The following TUSC3 variants were observed in gnomAD, a reference collection of about 807,000 sequenced individuals.
TUSC3 encodes the protein dolichyl-diphosphooligosaccharide--protein glycosyltransferase subunit TUSC3.
A neutral mutation model predicts 44.8 loss-of-function variants in TUSC3; 45 were observed. The observed-to-expected ratio is 1.00, with a 90% CI of 0.79 to 1.29. The LOEUF (loss-of-function observed/expected upper bound fraction) is 1.29, where lower values mean the gene tolerates loss of function less well. Ranked by LOEUF, TUSC3 falls within the 50% of genes most tolerant of loss-of-function variation. The probability of loss-of-function intolerance (pLI) is 0.00; values close to 1 mark genes in which losing one functional copy is unlikely to be tolerated. For synonymous variants in TUSC3, 212 were observed against 152.9 expected (o/e 1.39, Z -2.85); for missense variants, 519 against 437.9 (o/e 1.19, Z -1.65).
chr8:15,780,414 AAG>A, the TUSC3 span, among the ~76,000 whole-genome samples: 1 of 152,188 alleles, frequency 6.6e-6, no homozygotes, highest in Non-Finnish European at 1.5e-5. Flanking sequence ...ACTTGGAACA[AAG>A]GGGACTAGGC....
At chr8:15,441,972 G>A (rs1432920036) in intron 1 of TUSC3, among the ~76,000 whole-genome samples, 3 of 152,100 alleles carry the variant, frequency 2.0e-5, no homozygotes, top group Non-Finnish European at 4.4e-5. Flanking sequence ...CCCCAAAATA[G>A]CTATTTGTTT....
At chr8:15,790,179 C>CTTTTTTTTTT in the TUSC3 span, among the ~76,000 whole-genome samples, 10 of 72,254 alleles carry the variant, frequency 1.4e-4, 1 homozygote, top group East Asian at 9.4e-4. Flanking sequence ...TTGTTAAGGC[C>CTTTTTTTTTT]TTTTTTTTTT....
chr8:15,560,790 T>C (rs894435057), intron 1 of TUSC3, among the ~76,000 whole-genome samples: 1 of 119,404 alleles, frequency 8.4e-6, no homozygotes, highest in Non-Finnish European at 1.8e-5. Flanking sequence ...TTCCAGTTGA[T>C]CGCATCGGCT....
chr8:15,589,333 A>T (rs1406648498), intron 1 of TUSC3, among the ~76,000 whole-genome samples: 1 of 152,190 alleles, frequency 6.6e-6, no homozygotes, highest in African/African-American at 2.4e-5. Context: ...TCTGCATCTT[A>T]ACAAGATCCT....
chr8:15,612,391 AT>A (rs1257282829), intron 1 of TUSC3, among the ~76,000 whole-genome samples: 1 of 152,204 alleles, frequency 6.6e-6, no homozygotes, highest in Non-Finnish European at 1.5e-5. Flanking sequence ...GTGAGCTCTT[AT>A]TCTATTTAAG....
In TUSC3 at chr8:15,423,965, CTTTGTTTTT is replaced by C. The variant is rs1202338366; in HGVS notation, n.91+6664_91+6672del. ...CTCTTACAGCATTCATACTGTTTTGCTTTGTTTTTTTTTTTTTTTTTTTTTTTTTTTTTT... is the reference window on the plus strand; with the variant it reads ...CTCTTACAGCATTCATACTGTTTTGCTTTTTTTTTTTTTTTTTTTTTTTTT... On this transcript the variant is annotated intron_variant and non_coding_transcript_variant, in intron 1 of 5. Transcript: ENST00000503191. Among the ~76,000 whole-genome samples the C allele has an allele frequency of 5.5e-3, 66 of 12,038 alleles. 4 individuals are homozygous for C. Among genetic ancestry groups the C allele is most frequent in the African/African-American group, 0.016 (64 of 3,984 alleles). The allele number at this position is 12,038 out of a possible 152,430, so 7.9% of individuals were successfully genotyped here.
intron 1 of TUSC3, among the ~76,000 whole-genome samples, chr8:15,555,588 A>T (rs1802231581): frequency 6.6e-6 from 1 of 151,544 alleles, no homozygotes; most frequent in African/African-American, 2.4e-5. Flanking sequence ...CAGTCTTAAA[A>T]TGAGAAATTG....
chr8:15,735,643 G>A (rs945577109), intron 7 of TUSC3, among the ~76,000 whole-genome samples: 1 of 152,148 alleles, frequency 6.6e-6, no homozygotes, highest in Non-Finnish European at 1.5e-5. Flanking sequence ...TTTATTTGTT[G>A]TAAATATCTG....
At chr8:15,626,604 G>A (rs1805520884) in intron 2 of TUSC3, among the ~76,000 whole-genome samples, 1 of 152,176 alleles carries the variant, frequency 6.6e-6, no homozygotes, top group Admixed American at 6.5e-5. Flanking sequence ...TGCACTCTCA[G>A]TGGCCCAGGA....
chr8:15,466,526 A>G (rs1800416700), intron 1 of TUSC3, among the ~76,000 whole-genome samples: 1 of 152,174 alleles, frequency 6.6e-6, no homozygotes, highest in South Asian at 2.1e-4. Flanking sequence ...TAAATTTAAT[A>G]AAGCATTTAT....
chr8:15,572,491 G>T (rs767893855), intron 1 of TUSC3, among the ~76,000 whole-genome samples: 2 of 152,166 alleles, frequency 1.3e-5, no homozygotes, highest in African/African-American at 4.8e-5. Context: ...CAATAAGGCT[G>T]TTTTGCTTTC....
intron 6 of TUSC3, among the ~76,000 whole-genome samples, chr8:15,695,790 C>T (rs993077620): frequency 9.2e-5 from 14 of 152,148 alleles, no homozygotes; most frequent in African/African-American, 1.9e-4. Flanking sequence ...ACTCTTGTTA[C>T]GTTTTAGCAG....
At chr8:15,531,794 A>T in intron 2 of TUSC3, among the ~76,000 whole-genome samples, 1 of 152,198 alleles carries the variant, frequency 6.6e-6, no homozygotes, top group Middle Eastern at 3.2e-3. Flanking sequence ...TCTCAATTAT[A>T]CGGTATACTT....
the TUSC3 span, among the ~76,000 whole-genome samples, chr8:15,828,155 T>C: frequency 0.11 from 16,073 of 151,986 alleles, 960 homozygotes; most frequent in East Asian, 0.25. Context: ...CCACCACACC[T>C]GGCTAATTTT....
chr8:15,825,885 C>CT, the TUSC3 span, among the ~76,000 whole-genome samples: 748 of 120,358 alleles, frequency 6.2e-3, 8 homozygotes, highest in Middle Eastern at 0.018. Context: ...ACAGTTGTTT[C>CT]TTTTTTTTTT....
intron 2 of TUSC3, among the ~76,000 whole-genome samples, chr8:15,501,105 C>A (rs146941391): frequency 6.3e-4 from 96 of 152,230 alleles, no homozygotes; most frequent in Non-Finnish European, 1.0e-3. Context: ...ACATTTGGCC[C>A]CTAGCATCTC....
At chr8:15,520,312 A>G (rs758969855) in intron 2 of TUSC3, among the ~76,000 whole-genome samples, 22 of 152,218 alleles carry the variant, frequency 1.4e-4, no homozygotes, top group Non-Finnish European at 2.5e-4. Context: ...ATACTATCAT[A>G]CAACTGGATT....
chr8:15,446,914 G>A (rs1312957516), intron 1 of TUSC3, among the ~76,000 whole-genome samples: 1 of 90,190 alleles, frequency 1.1e-5, no homozygotes, highest in Non-Finnish European at 2.7e-5. Context: ...AAAAAACAAA[G>A]GAGGTAAAAT....
intron 2 of TUSC3, among the ~76,000 whole-genome samples, chr8:15,632,574 C>A (rs1805820225): frequency 6.6e-6 from 1 of 152,064 alleles, no homozygotes; most frequent in Admixed American, 6.6e-5. Context: ...AATTGAATAT[C>A]CTGTTTCTCA....
Sources: gnomAD v4.1 joint callset for allele counts (sites outside exome capture counted in the v4.1 genomes callset) on GRCh38, gnomAD v4.1.1 for gene constraint, MANE v1.5 for transcripts, NCBI Gene and HGNC (gene_info 2026-07-23, HGNC 2026-07-21) for gene names.